The following RANBP17 variants were observed in gnomAD, a reference collection of about 807,000 sequenced individuals.
The protein encoded by RANBP17 is RAN binding protein 17.
Under a neutral mutation model 141.2 loss-of-function variants are expected in RANBP17, and 158 were observed. That is an observed-to-expected ratio of 1.12 (90% confidence interval 0.98 to 1.28). The LOEUF is 1.28. RANBP17 is among the 50% of genes most tolerant of loss of function. RANBP17 has a pLI of 0.00. For synonymous variants in RANBP17, 430 were observed against 450.0 expected (o/e 0.96, Z 0.56); for missense variants, 1,438 against 1,290.7 (o/e 1.11, Z -1.75).
chr5:170,974,436 A>G (rs936327011), intron 14 of RANBP17, among the ~76,000 whole-genome samples: 1 of 152,184 alleles, frequency 6.6e-6, no homozygotes, highest in Non-Finnish European at 1.5e-5. Flanking sequence ...ACACTGGGGT[A>G]GGGATTAGGC....
At chr5:171,055,880 C>CAAAAAAAAAAAAAAAAA (rs72488636) in intron 14 of RANBP17, among the ~76,000 whole-genome samples, 1 of 25,098 alleles carries the variant, frequency 4.0e-5, no homozygotes, top group Admixed American at 4.9e-4. Flanking sequence ...GTCCTGTTGC[C>CAAAAAAAAAAAAAAAAA]AAAAAAAAAA....
intron 14 of RANBP17, among the ~76,000 whole-genome samples, chr5:171,105,219 A>G (rs1382032963): frequency 6.7e-6 from 1 of 150,046 alleles, no homozygotes; most frequent in African/African-American, 2.5e-5. Context: ...CGTCTCTACT[A>G]AAAATACAAA....
intron 13 of RANBP17, among the ~76,000 whole-genome samples, chr5:170,957,556 T>C (rs1007208972): frequency 1.3e-5 from 2 of 152,190 alleles, no homozygotes; most frequent in African/African-American, 2.4e-5. Flanking sequence ...CCAACTGAGG[T>C]TGAACAAGGT....
intron 12 of RANBP17, chr5:170,924,768 TTC>T (rs1187077171): frequency 7.9e-6 from 3 of 380,210 alleles, no homozygotes; most frequent in Non-Finnish European, 1.4e-5. Context: ...TAGGATATAC[TTC>T]TCTCTGGAAT....
intron 24 of RANBP17, among the ~76,000 whole-genome samples, chr5:171,256,467 AG>A (rs1765903179): frequency 6.6e-6 from 1 of 152,240 alleles, no homozygotes; most frequent in African/African-American, 2.4e-5. Context: ...AAAAGTGGAA[AG>A]ATTACAAATT....
chr5:171,209,633 C>T (rs1762762928), intron 20 of RANBP17, among the ~76,000 whole-genome samples: 1 of 152,010 alleles, frequency 6.6e-6, no homozygotes, highest in Non-Finnish European at 1.5e-5. Context: ...GAGATGCATG[C>T]AAAGGGCTAT....
intron 18 of RANBP17, among the ~76,000 whole-genome samples, chr5:171,185,232 G>A (rs1234692854): frequency 6.6e-6 from 1 of 152,194 alleles, no homozygotes; most frequent in Non-Finnish European, 1.5e-5. Context: ...AGCTTTCAGT[G>A]TGTTGTAATC....
At chr5:171,121,817 C>G (rs549072420) in intron 14 of RANBP17, among the ~76,000 whole-genome samples, 3 of 152,128 alleles carry the variant, frequency 2.0e-5, no homozygotes, top group African/African-American at 7.2e-5. Context: ...TAGTTACTCA[C>G]CCCCACCACA....
chr5:171,038,163 TGTG>T (rs1425123591), intron 14 of RANBP17, among the ~76,000 whole-genome samples: 15 of 17,240 alleles, frequency 8.7e-4, no homozygotes, highest in Non-Finnish European at 2.1e-3. Context: ...TCTTAGGTAT[TGTG>T]TGTGTGTGTG....
At chr5:171,059,257 G>T (rs1347251396) in intron 14 of RANBP17, among the ~76,000 whole-genome samples, 1 of 152,126 alleles carries the variant, frequency 6.6e-6, no homozygotes, top group Non-Finnish European at 1.5e-5. Flanking sequence ...GTCCTGAATG[G>T]TAATGCCTAG....
chr5:171,294,023 A>G (rs1768669942), intron 26 of RANBP17, 42 bp downstream of exon 26: 2 of 1,385,510 alleles, frequency 1.4e-6, no homozygotes, highest in African/African-American at 2.8e-5. Flanking sequence ...GGTCCCTGGG[A>G]GAAGAGAGCA....
chr5:171,287,716 T>A (rs1422583878), intron 25 of RANBP17, among the ~76,000 whole-genome samples: 1 of 152,052 alleles, frequency 6.6e-6, no homozygotes, highest in East Asian at 1.9e-4. Flanking sequence ...AGCCTTCTTT[T>A]TTGTTGTTGC....
chr5:171,169,198 G>C (rs1387377669), intron 14 of RANBP17, among the ~76,000 whole-genome samples: 59 of 152,146 alleles, frequency 3.9e-4, no homozygotes, highest in Admixed American at 3.9e-3. Flanking sequence ...ACAAAAGACA[G>C]AGGGAATAGA....
intron 14 of RANBP17, among the ~76,000 whole-genome samples, chr5:171,052,610 G>GT (rs1347016908): frequency 6.6e-6 from 1 of 152,058 alleles, no homozygotes; most frequent in African/African-American, 2.4e-5. Context: ...TTATCACACG[G>GT]TTTTGGTTAC....
intron 14 of RANBP17, among the ~76,000 whole-genome samples, chr5:171,113,077 T>TATA (rs1178310814): frequency 6.6e-6 from 1 of 152,138 alleles, no homozygotes; most frequent in Non-Finnish European, 1.5e-5. Context: ...TGCTTCCCCA[T>TATA]ATAGCATGTG....
intron 12 of RANBP17, among the ~76,000 whole-genome samples, chr5:170,929,317 A>T (rs943370591): frequency 6.6e-6 from 1 of 152,088 alleles, no homozygotes; most frequent in Non-Finnish European, 1.5e-5. Context: ...CTGTTTGTAA[A>T]TAGAAAGCAT....
intron 21 of RANBP17, 45 bp downstream of exon 21, chr5:171,213,783 G>A (rs767020626): frequency 1.3e-5 from 18 of 1,363,652 alleles, no homozygotes; most frequent in Middle Eastern, 1.8e-4. Flanking sequence ...TACTATTAGC[G>A]GAAATCTCCA....
intron 14 of RANBP17, among the ~76,000 whole-genome samples, chr5:171,002,419 C>T (rs1422253205): frequency 6.6e-6 from 1 of 151,988 alleles, no homozygotes; most frequent in Non-Finnish European, 1.5e-5. Context: ...CTTTTGATGG[C>T]CCTTGCAGTG....
rs184656050 is a variant in RANBP17, at chr5:170,933,002, G to A, written c.1468+8452G>A. Among the ~76,000 whole-genome samples, 782 of 152,196 alleles carry A rather than the reference G, an allele frequency of 5.1e-3. 5 individuals carry two copies. Among genetic ancestry groups the A allele is most frequent in the African/African-American group, 0.018 (738 of 41,514 alleles). On this transcript the variant is annotated intron_variant, in intron 12 of 27. Coordinates refer to ENST00000523189, the MANE Select transcript of RANBP17 (RefSeq NM_022897.5). ...GAAGGAATGGAACCAGCTCCTCTTTGTACCTCTGGTAGAATTCGGCTGTGA... is the reference window on the plus strand; with the variant it reads ...GAAGGAATGGAACCAGCTCCTCTTTATACCTCTGGTAGAATTCGGCTGTGA...
Sources: allele counts gnomAD v4.1 joint callset (sites outside exome capture counted in the v4.1 genomes callset), GRCh38; gene constraint gnomAD v4.1.1; transcripts MANE v1.5; gene names NCBI Gene and HGNC (gene_info 2026-07-23, HGNC 2026-07-21).